TOGARAM1: variants seen among roughly 807,000 people sequenced by gnomAD.
TOGARAM1 encodes the protein TOG array regulator of axonemal microtubules 1.
A neutral mutation model predicts 166.6 loss-of-function variants in TOGARAM1; 100 were observed. The ratio of observed to expected loss-of-function variants is 0.60; its 90% CI spans 0.51 to 0.71. The LOEUF (loss-of-function observed/expected upper bound fraction) is 0.71, where lower values mean the gene tolerates loss of function less well. Ranked by LOEUF, TOGARAM1 falls within the 30% of genes least tolerant of loss-of-function variation. The pLI is 0.00. For missense variants in TOGARAM1, 2,029 were observed against 2,102.7 expected (o/e 0.96, Z 0.69); for synonymous variants, 758 against 763.8 (o/e 0.99, Z 0.13).
Position 45,054,567 on chromosome 14 carries a change from T to A in TOGARAM1, c.4559+18T>A, listed in dbSNP as rs754771456. 6.6e-7 allele frequency: 1 copy of A among 1,519,164 alleles called. No homozygotes were observed. The highest frequency in any genetic ancestry group is 1.1e-5 in the South Asian group (1 of 87,138). The allele number at this position is 1,519,164 out of a possible 1,614,324, so 94.1% of individuals were successfully genotyped here. A position where few individuals can be genotyped will look rare whatever the true frequency, so the allele number is the denominator to read the frequency against. The stretch of plus-strand genomic sequence containing the variant: ...GCTGAAAGGTAAGATGATGTAATAG[T>A]CCTCATCAGAGAAATTACTCCCTTG... On this transcript the variant is annotated intron_variant, in intron 16 of 19. Coordinates refer to ENST00000361462, the MANE Select transcript of TOGARAM1 (RefSeq NM_001308120.2).
intron 17 of TOGARAM1, among the ~76,000 whole-genome samples, chr14:45,067,357 C>G (rs1048259113): frequency 6.6e-6 from 1 of 151,980 alleles, no homozygotes; most frequent in Non-Finnish European, 1.5e-5. Flanking sequence ...AGATAAGAGA[C>G]TTGATATTGC....
intron 13 of TOGARAM1, among the ~76,000 whole-genome samples, chr14:45,045,575 ATATATATATGTGTGTGTG>A (rs1186615811): frequency 6.3e-4 from 26 of 41,512 alleles, no homozygotes; most frequent in South Asian, 1.9e-3. Context: ...ATATATATAT[ATATATATATGTGTGTGTG>A]TGTGTGTGTG....
intron 1 of TOGARAM1, among the ~76,000 whole-genome samples, chr14:44,981,885 C>T (rs1886558271): frequency 1.4e-5 from 2 of 145,402 alleles, no homozygotes; most frequent in African/African-American, 5.1e-5. Flanking sequence ...CCTCTGTTGT[C>T]CAGGCTGGAG....
At chr14:44,975,775 CTT>C (rs34089963) in intron 1 of TOGARAM1, among the ~76,000 whole-genome samples, 62 of 127,916 alleles carry the variant, frequency 4.8e-4, no homozygotes, top group Admixed American at 5.7e-4. Context: ...CTTCCCCTGC[CTT>C]TTTTTTTTTT....
chr14:45,021,842 A>T (rs985517443), intron 7 of TOGARAM1, among the ~76,000 whole-genome samples: 6 of 151,828 alleles, frequency 4.0e-5, no homozygotes, highest in African/African-American at 1.5e-4. Context: ...GAACTTGCTG[A>T]TATTTGGCTA....
At chr14:45,015,696 G>T (rs1880091703) in intron 7 of TOGARAM1, among the ~76,000 whole-genome samples, 1 of 151,918 alleles carries the variant, frequency 6.6e-6, no homozygotes, top group African/African-American at 2.4e-5. Flanking sequence ...AGATGTAGAA[G>T]AGGTACTATT....
chr14:45,071,457 A>G (rs1883376723), intron 18 of TOGARAM1, among the ~76,000 whole-genome samples: 1 of 151,386 alleles, frequency 6.6e-6, no homozygotes, highest in Non-Finnish European at 1.5e-5. Context: ...TGGCACAATC[A>G]TAGCTCACTG....
Position 44,963,334 on chromosome 14 carries a change from A to G in TOGARAM1, c.913A>G (p.Arg305Gly). ...TTCTCGTCTGCCCTCTGCCCTGAGGAGACACTACAATCGCCGCCTGGAGTC... is the reference window on the plus strand; with the variant it reads ...TTCTCGTCTGCCCTCTGCCCTGAGGGGACACTACAATCGCCGCCTGGAGTC... ...YISRLPSALRRHYNRRLESQF... is the reference protein window; with the variant it reads ...YISRLPSALRGHYNRRLESQF... Residue 305 changes from arginine to glycine, a missense_variant, in exon 1 of 20, where the codon AGA (arginine) becomes GGA (glycine). By Grantham distance (125) the Arg-to-Gly change is moderately radical. Transcript: ENST00000361462. 1.9e-6 allele frequency: 3 copies of G among 1,614,174 alleles called. No homozygotes were observed. The highest frequency in any genetic ancestry group is 2.5e-6 in the Non-Finnish European group (3 of 1,180,020).
intron 17 of TOGARAM1, 91 bp downstream of exon 17, chr14:45,066,858 T>C: frequency 9.3e-7 from 1 of 1,079,090 alleles, no homozygotes; most frequent in Non-Finnish European, 1.3e-6. Context: ...GAAGGATCTC[T>C]TGAGGCTAGG....
chr14:44,992,582 A>G (rs1311558129), intron 1 of TOGARAM1, among the ~76,000 whole-genome samples: 10 of 149,904 alleles, frequency 6.7e-5, no homozygotes, highest in Admixed American at 2.0e-4. Flanking sequence ...ATTAGGTCAG[A>G]GGATTAAACA....
intron 1 of TOGARAM1, among the ~76,000 whole-genome samples, chr14:44,989,074 A>G (rs28703636): frequency 0.16 from 24,337 of 152,230 alleles, 3,638 homozygotes; most frequent in African/African-American, 0.4. Flanking sequence ...TTGTTGTTTT[A>G]ATCTACCATT....
chr14:45,005,352 G>A (rs1887903178), intron 4 of TOGARAM1, among the ~76,000 whole-genome samples: 1 of 152,154 alleles, frequency 6.6e-6, no homozygotes, highest in Non-Finnish European at 1.5e-5. Context: ...TGAGCGTAGT[G>A]GGTCATGCCT....
rs1395338152 is a variant in TOGARAM1, at chr14:45,052,575, A to T, written c.4440+13A>T. 1 of 1,579,608 alleles carries T rather than the reference A, an allele frequency of 6.3e-7. No homozygotes were observed. The highest frequency in any genetic ancestry group is 1.4e-5 in the African/African-American group (1 of 73,822). On this transcript the variant is annotated intron_variant, in intron 15 of 19. Coordinates refer to ENST00000361462, the MANE Select transcript of TOGARAM1 (RefSeq NM_001308120.2). ...CTTACAGCAAAAGGTATGTGGGAAA[A>T]GTTTGTTTTATAAACAGCTTTATAA...
At chr14:45,046,157 C>T (rs1046508970) in intron 13 of TOGARAM1, among the ~76,000 whole-genome samples, 1 of 151,994 alleles carries the variant, frequency 6.6e-6, no homozygotes, top group Non-Finnish European at 1.5e-5. Flanking sequence ...ATCTTAGCCT[C>T]ACGTGGTGGC....
rs756066622 is a variant in TOGARAM1, at chr14:45,073,268, C to A, written c.5057-28C>A. 4.5e-5 allele frequency: 72 copies of A among 1,586,248 alleles called. No individual in the cohort carries two copies. In the South Asian group the frequency reaches 6.7e-4, roughly 15 times the overall value. ...CTTGGGCTTATTTATTAAGAAAAAA[C>A]CCTGTTTTTTATATTTTTATGTTTC... On this transcript the variant is annotated intron_variant, in intron 19 of 19. Transcript: ENST00000361462.
chr14:44,975,856 G>A (rs904802154), intron 1 of TOGARAM1, among the ~76,000 whole-genome samples: 15 of 150,746 alleles, frequency 1.0e-4, no homozygotes, highest in African/African-American at 2.9e-4. Flanking sequence ...TTGGTATTAG[G>A]ACAACTCCCT....
chr14:45,020,928 G>T (rs1880462764), intron 7 of TOGARAM1, among the ~76,000 whole-genome samples: 1 of 152,180 alleles, frequency 6.6e-6, no homozygotes, highest in Admixed American at 6.5e-5. Context: ...TAGTGCAGGG[G>T]GAGGCACATT....
At chr14:45,017,868 A>G (rs1445045700) in intron 7 of TOGARAM1, among the ~76,000 whole-genome samples, 1 of 150,866 alleles carries the variant, frequency 6.6e-6, no homozygotes, top group Non-Finnish European at 1.5e-5. Flanking sequence ...GTGACAAGTG[A>G]AACTCTGTCT....
intron 16 of TOGARAM1, among the ~76,000 whole-genome samples, chr14:45,059,341 C>A (rs1330581832): frequency 6.6e-6 from 1 of 152,132 alleles, no homozygotes; most frequent in Non-Finnish European, 1.5e-5. Context: ...CCACATCTGG[C>A]TTTAAATATA....
Sources: allele counts gnomAD v4.1 joint callset (sites outside exome capture counted in the v4.1 genomes callset), GRCh38; gene constraint gnomAD v4.1.1; transcripts MANE v1.5; gene names NCBI Gene and HGNC (gene_info 2026-07-23, HGNC 2026-07-21).